The following CDH2 variants were observed in gnomAD, a reference collection of about 807,000 sequenced individuals.
CDH2 encodes the protein cadherin-2.
Under a neutral mutation model 92.0 loss-of-function variants are expected in CDH2, and 17 were observed. The ratio of observed to expected loss-of-function variants is 0.18; its 90% CI spans 0.13 to 0.28. The LOEUF is 0.28. CDH2 is among the 10% of genes least tolerant of loss of function. The pLI is 1.00. For missense variants in CDH2, 862 were observed against 1,133.1 expected, an observed-to-expected ratio of 0.76 and a Z score of 3.44; for synonymous variants, 419 against 415.9, an observed-to-expected ratio of 1.01 and a Z score of -0.09.
At chr18:28,116,914 T>C (rs1465535316) in intron 2 of CDH2, among the ~76,000 whole-genome samples, 1 of 152,130 alleles carries the variant, frequency 6.6e-6, no homozygotes, top group African/African-American at 2.4e-5. Flanking sequence ...CAGTATTTTA[T>C]CTTTTAAAAA....
At chr18:28,044,850 CGTGTGTGTGTGT>C (rs68093312) in intron 2 of CDH2, among the ~76,000 whole-genome samples, 4 of 148,504 alleles carry the variant, frequency 2.7e-5, no homozygotes, top group East Asian at 2.0e-4. Flanking sequence ...TATATAACAT[CGTGTGTGTGTGT>C]GTGTGTGTGT....
At chr18:27,991,491 A>C (rs2012413672) in intron 9 of CDH2, among the ~76,000 whole-genome samples, 1 of 152,198 alleles carries the variant, frequency 6.6e-6, no homozygotes, top group Admixed American at 6.5e-5. Flanking sequence ...CACTAGCCAC[A>C]CGAAACCTTC....
intron 2 of CDH2, among the ~76,000 whole-genome samples, chr18:28,110,546 ACT>A (rs941347496): frequency 2.6e-5 from 4 of 151,958 alleles, no homozygotes; most frequent in Admixed American, 2.6e-4. Flanking sequence ...TGAAATAACG[ACT>A]CTGTTCTGCA....
intron 2 of CDH2, among the ~76,000 whole-genome samples, chr18:28,067,823 T>G (rs1023498719): frequency 1.3e-5 from 2 of 152,186 alleles, no homozygotes; most frequent in African/African-American, 4.8e-5. Context: ...GGTCAAGTTT[T>G]AATATTCTTA....
At chr18:28,043,440 T>A in intron 2 of CDH2, among the ~76,000 whole-genome samples, 1 of 130,986 alleles carries the variant, frequency 7.6e-6, no homozygotes, top group Middle Eastern at 4.2e-3. Flanking sequence ...ACCTGTACCC[T>A]AAAAATTACT....
intron 2 of CDH2, among the ~76,000 whole-genome samples, chr18:28,043,889 G>GTTT (rs1298359943): frequency 5.1e-5 from 4 of 78,242 alleles, no homozygotes; most frequent in Non-Finnish European, 8.3e-5. Flanking sequence ...CAGAATCTCG[G>GTTT]ATTTTTTTTT....
chr18:27,997,514 G>A (rs991772715), intron 7 of CDH2, among the ~76,000 whole-genome samples: 1 of 152,154 alleles, frequency 6.6e-6, no homozygotes, highest in African/African-American at 2.4e-5. Context: ...TGGTGCAAAA[G>A]TAACTGCAGT....
intron 2 of CDH2, among the ~76,000 whole-genome samples, chr18:28,043,889 G>GGTTT (rs1298359943): frequency 2.6e-5 from 2 of 78,250 alleles, no homozygotes; most frequent in Non-Finnish European, 5.5e-5. Flanking sequence ...CAGAATCTCG[G>GGTTT]ATTTTTTTTT....
Position 28,011,885 on chromosome 18 carries a change from T to C in CDH2, c.507A>G (p.Pro169=). Residue 169 remains proline (P), a synonymous_variant, in exon 4 of 16, where the codon CCA becomes CCG. Coordinates refer to ENST00000269141, the MANE Select transcript of CDH2 (RefSeq NM_001792.5). ...RDWVIPPINL[P]ENSRGPFPQE... is the part of the protein sequence containing the mutation. Reference sequence around the variant, plus strand: ...GAGGAAAAGGTCCCCTGGAGTTTTCTGGCAAGTTGATTGGAGGGATGACCC... The same window carrying C: ...GAGGAAAAGGTCCCCTGGAGTTTTCCGGCAAGTTGATTGGAGGGATGACCC... 2 of 1,614,130 alleles carry C rather than the reference T, an allele frequency of 1.2e-6. No homozygotes were observed. Among genetic ancestry groups the C allele is most frequent in the African/African-American group, 1.3e-5 (1 of 75,052 alleles).
intron 7 of CDH2, among the ~76,000 whole-genome samples, chr18:27,999,758 G>A (rs957138959): frequency 2.7e-5 from 4 of 150,726 alleles, no homozygotes; most frequent in African/African-American, 9.8e-5. Context: ...TTTGAGACAG[G>A]GTGATATGGT....
intron 2 of CDH2, among the ~76,000 whole-genome samples, chr18:28,090,220 G>A (rs141814720): frequency 6.6e-6 from 1 of 152,162 alleles, no homozygotes; most frequent in East Asian, 1.9e-4. Context: ...CTAAGACAAT[G>A]CCTATAAACT....
intron 2 of CDH2, among the ~76,000 whole-genome samples, chr18:28,087,840 C>T (rs1300484482): frequency 1.3e-5 from 2 of 151,768 alleles, no homozygotes; most frequent in South Asian, 2.1e-4. Flanking sequence ...ATAAGGCTGA[C>T]CAAACTTTCA....
chr18:28,079,480 C>G (rs555528778), intron 2 of CDH2, among the ~76,000 whole-genome samples: 1 of 152,136 alleles, frequency 6.6e-6, no homozygotes, highest in Admixed American at 6.6e-5. Flanking sequence ...TAAGTGTCTT[C>G]CCTTGATGCA....
At chr18:28,145,836 A>T (rs1355064239) in intron 2 of CDH2, among the ~76,000 whole-genome samples, 1 of 152,142 alleles carries the variant, frequency 6.6e-6, no homozygotes, top group African/African-American at 2.4e-5. Flanking sequence ...TGTTTAAAAA[A>T]AAAAGGCTAA....
chr18:28,036,670 T>C lies in CDH2; in HGVS notation c.173-22761A>G. 3 of 713,120 alleles carry C rather than the reference T, an allele frequency of 4.2e-6. No individual in the cohort carries two copies. In the Admixed American group the frequency reaches 7.1e-5, roughly 17 times the overall value. 44.2% of individuals were successfully genotyped at this position (713,120 alleles called of 1,614,324 possible). ...TGACGGAAATGCCGATGCAGCTTTTTATAACTGGAATACTGACCGTCAGCA... is the reference window on the plus strand; with the variant it reads ...TGACGGAAATGCCGATGCAGCTTTTCATAACTGGAATACTGACCGTCAGCA... On this transcript the variant is annotated intron_variant, in intron 2 of 15. Transcript: ENST00000269141.
chr18:28,159,036 C>CA (rs2016265377), intron 1 of CDH2: 1 of 152,098 alleles, frequency 6.6e-6, no homozygotes, highest in South Asian at 2.1e-4. Context: ...ATATTATCTA[C>CA]AATAGAAAAG....
At chr18:27,962,915 A>G (rs1278864339) in intron 15 of CDH2, among the ~76,000 whole-genome samples, 2 of 152,170 alleles carry the variant, frequency 1.3e-5, no homozygotes, top group Non-Finnish European at 2.9e-5. Flanking sequence ...CTTTTGATGG[A>G]GTCATTGGGC....
At chr18:28,107,782 C>A (rs2015346416) in intron 2 of CDH2, among the ~76,000 whole-genome samples, 1 of 151,810 alleles carries the variant, frequency 6.6e-6, no homozygotes. Context: ...TTTTAATTAG[C>A]CATTTAAAAA....
chr18:28,009,911 A>T, intron 4 of CDH2, 39 bp from the exon 5 acceptor site: 2 of 1,524,370 alleles, frequency 1.3e-6, no homozygotes, highest in Non-Finnish European at 1.8e-6. Context: ...GTGAGAGACT[A>T]AATGAGCTCA....
Sources: gnomAD v4.1 joint callset for allele counts (sites outside exome capture counted in the v4.1 genomes callset) on GRCh38, gnomAD v4.1.1 for gene constraint, MANE v1.5 for transcripts, NCBI Gene and HGNC (gene_info 2026-07-23, HGNC 2026-07-21) for gene names.